TBCD: variants seen among roughly 807,000 people sequenced by gnomAD.
The protein encoded by TBCD is tubulin folding cofactor D.
Under a neutral mutation model 169.3 loss-of-function variants are expected in TBCD, and 105 were observed. The ratio of observed to expected loss-of-function variants is 0.62; its 90% CI spans 0.53 to 0.73. The LOEUF (loss-of-function observed/expected upper bound fraction) is 0.73, where lower values mean the gene tolerates loss of function less well. TBCD is among the 30% of genes least tolerant of loss of function. TBCD has a pLI of 0.00. For missense variants in TBCD, 1,444 were observed against 1,600.1 expected (o/e 0.90, Z 1.66); for synonymous variants, 700 against 643.9 (o/e 1.09, Z -1.32).
intron 13 of TBCD, among the ~76,000 whole-genome samples, chr17:82,854,100 T>G (rs1405187011): frequency 1.3e-5 from 2 of 152,200 alleles, no homozygotes; most frequent in Non-Finnish European, 2.9e-5. Flanking sequence ...CACCCTGACC[T>G]CGATCACTTT....
chr17:82,818,310 G>C (rs1478043168), intron 13 of TBCD, among the ~76,000 whole-genome samples: 2 of 152,208 alleles, frequency 1.3e-5, no homozygotes, highest in African/African-American at 2.4e-5. Flanking sequence ...TGCTGTCTCT[G>C]CACAGGGCAA....
chr17:82,806,067 C>T lies in TBCD; in HGVS notation c.1087+56C>T. 1 of 1,590,686 alleles carries T rather than the reference C, an allele frequency of 6.3e-7. No homozygotes were observed. Among genetic ancestry groups the T allele is most frequent in the Admixed American group, 1.7e-5 (1 of 58,802 alleles). ...CTTGGGCACCGTCGGGCCAATTCCC[C>T]TCTACTCCAGGACCACACTTCCTTC... On this transcript the variant is annotated intron_variant, in intron 10 of 38. Transcript: ENST00000355528. This position sits in a 1 kb window ranked among gnomAD's most constrained non-coding sequence, Gnocchi z 5.1.
At position 82,884,199 on chromosome 17, in the gene TBCD, C is replaced by T. The variant is rs755881491; in HGVS notation, c.1530C>T (p.Ala510=). The T allele has an allele frequency of 6.2e-7, 1 of 1,607,558 alleles. No homozygotes were observed. The highest frequency in any genetic ancestry group is 8.5e-7 in the Non-Finnish European group (1 of 1,176,564). The part of the protein sequence containing the change: ...FDRDINCRRA[A]SAAFQENVGR... ...GAGACATAAACTGCAGAAGAGCAGCCTCTGTAAGTTTTCTCATTTTGATAT... is the reference window on the plus strand; with the variant it reads ...GAGACATAAACTGCAGAAGAGCAGCTTCTGTAAGTTTTCTCATTTTGATAT... The change falls in exon 15 of 39, where the codon GCC becomes GCT. Residue 510 remains alanine (A), a synonymous_variant. Transcript: ENST00000355528. This position sits in a 1 kb window ranked among gnomAD's most constrained non-coding sequence, Gnocchi z 4.2.
chr17:82,872,120 T>G (rs1477942603), intron 14 of TBCD, among the ~76,000 whole-genome samples: 1 of 152,194 alleles, frequency 6.6e-6, no homozygotes, highest in Non-Finnish European at 1.5e-5. Context: ...ATAGTCTAGA[T>G]TCTTGCATCA....
chr17:82,907,888 A>G, intron 21 of TBCD, 67 bp downstream of exon 21: 1 of 1,544,154 alleles, frequency 6.5e-7, no homozygotes, highest in Non-Finnish European at 8.8e-7. Flanking sequence ...AGGGCCTCCC[A>G]CCCTCCCCAG....
At chr17:82,761,434 G>C (rs569289743) in intron 2 of TBCD, among the ~76,000 whole-genome samples, 1 of 152,224 alleles carries the variant, frequency 6.6e-6, no homozygotes, top group Admixed American at 6.5e-5. Flanking sequence ...TAAGATGTTT[G>C]AGTTTCGGTA....
rs1335733206 is a variant in TBCD, at chr17:82,874,596, G to C, written c.1475+4216G>C. Among the ~76,000 whole-genome samples, 1 of 152,172 alleles carries C rather than the reference G, an allele frequency of 6.6e-6. No homozygotes were observed. Among genetic ancestry groups the C allele is most frequent in the Non-Finnish European group, 1.5e-5 (1 of 68,030 alleles). ...GGTGCCCTTGGAGCCGTGCCCGCCG[G>C]CCTGGGTGTCAGGCTTGTCCAACGG... is the stretch of plus-strand genomic sequence containing the variant. On this transcript the variant is annotated intron_variant, in intron 14 of 38. Coordinates refer to ENST00000355528, the MANE Select transcript of TBCD (RefSeq NM_005993.5). This position sits in a 1 kb window ranked among gnomAD's most constrained non-coding sequence, Gnocchi z 5.0.
intron 13 of TBCD, among the ~76,000 whole-genome samples, chr17:82,843,278 C>T (rs971155558): frequency 2.4e-5 from 3 of 126,860 alleles, no homozygotes; most frequent in African/African-American, 8.3e-5. Context: ...TGTTCCCTTC[C>T]CTTCCCCTCC....
At chr17:82,870,146 T>G in intron 13 of TBCD, 78 bp from the exon 14 acceptor site, 6 of 1,591,610 alleles carry the variant, frequency 3.8e-6, no homozygotes, top group African/African-American at 1.3e-5. Context: ...GCTCCGGCCC[T>G]GAGCCCCACT....
At chr17:82,928,962 C>T (rs755484322) in intron 30 of TBCD, 151 bp from the exon 31 acceptor site, 1 of 975,000 alleles carries the variant, frequency 1.0e-6, no homozygotes, top group Non-Finnish European at 1.5e-6. Flanking sequence ...GTCCTGGTGT[C>T]AGCTGCCAAC....
At chr17:82,828,775 G>A (rs1265658495) in intron 13 of TBCD, among the ~76,000 whole-genome samples, 1 of 150,678 alleles carries the variant, frequency 6.6e-6, no homozygotes, top group Non-Finnish European at 1.5e-5. Flanking sequence ...CTAATCAGAT[G>A]TGCACCCCCA....
intron 1 of TBCD, among the ~76,000 whole-genome samples, chr17:82,752,677 G>A (rs1434112109): frequency 6.6e-6 from 1 of 152,076 alleles, no homozygotes; most frequent in African/African-American, 2.4e-5. Flanking sequence ...GGGTGCAGAA[G>A]CCCTCCGTCC....
intron 5 of TBCD, among the ~76,000 whole-genome samples, chr17:82,770,816 C>G (rs1053631606): frequency 6.6e-6 from 1 of 151,584 alleles, no homozygotes; most frequent in South Asian, 2.1e-4. Flanking sequence ...GAGTTTAAGA[C>G]CAGCCTGGAC....
rs548753699 is a variant in TBCD, at chr17:82,930,318, C to G, written c.2992-204C>G. 1.5e-6 allele frequency: 1 copy of G among 653,304 alleles called. No individual in the cohort carries two copies. Among genetic ancestry groups the G allele is most frequent in the Non-Finnish European group, 2.5e-6 (1 of 397,940 alleles). The allele number at this position is 653,304 out of a possible 1,614,324, so 40.5% of individuals were successfully genotyped here. A position where few individuals can be genotyped will look rare whatever the true frequency, so the allele number is the denominator to read the frequency against. ...AGGGCTCAGGCTGAGCTGCCGTTGC[C>G]GAGAGCCTTGTGTCTGCTTCGGGTG... On this transcript the variant is annotated intron_variant, in intron 32 of 38. Coordinates refer to ENST00000355528, the MANE Select transcript of TBCD (RefSeq NM_005993.5). This position sits in a 1 kb window ranked among gnomAD's most constrained non-coding sequence, Gnocchi z 5.2.
At chr17:82,937,968 A>G (rs758106536) in intron 35 of TBCD, 81 bp from the exon 36 acceptor site, 1 of 1,580,938 alleles carries the variant, frequency 6.3e-7, no homozygotes, top group Non-Finnish European at 8.6e-7. Flanking sequence ...AGGTCTCTGC[A>G]TGGGCCTTTG....
chr17:82,846,277 C>T (rs1182094318), intron 13 of TBCD, among the ~76,000 whole-genome samples: 2 of 144,600 alleles, frequency 1.4e-5, no homozygotes, highest in East Asian at 2.0e-4. Flanking sequence ...GCTGTGTCCT[C>T]TTGTCCAGCC....
Position 82,893,548 on chromosome 17 carries a change from G to T in TBCD, c.1565G>T (p.Gly522Val), listed in dbSNP as rs1166184250. ...AAFQENVGRQ[G>V]TFPHGIDILT... Reference sequence around the variant, plus strand: ...CCCCCATTTCCACTTTCTTATTAGGGCACTTTCCCTCATGGTATTGATATT... The same window carrying T: ...CCCCCATTTCCACTTTCTTATTAGGTCACTTTCCCTCATGGTATTGATATT... Residue 522 changes from glycine (G) to valine (V), a missense_variant and splice_region_variant, in exon 17 of 39, where the codon GGC becomes GTC. Gly to Val is a moderately radical substitution (Grantham distance 109). Transcript: ENST00000355528. The T allele has an allele frequency of 2.5e-6, 4 of 1,604,996 alleles. No individual in the cohort carries two copies. The highest frequency in any genetic ancestry group is 1.6e-4 in the Middle Eastern group (1 of 6,062).
intron 8 of TBCD, 126 bp downstream of exon 8, chr17:82,797,928 G>A (rs905042729): frequency 3.3e-5 from 10 of 302,590 alleles, no homozygotes; most frequent in African/African-American, 8.7e-5. Context: ...GGACACTATC[G>A]TTCTTTTTTT....
At chr17:82,942,377 G>A in intron 38 of TBCD, 72 bp from the exon 39 acceptor site, 1 of 1,609,792 alleles carries the variant, frequency 6.2e-7, no homozygotes, top group Non-Finnish European at 8.5e-7. Context: ...GCCCAGAGGG[G>A]TGAGGGTCCC....
Sources: allele counts gnomAD v4.1 joint callset (sites outside exome capture counted in the v4.1 genomes callset), GRCh38; gene constraint gnomAD v4.1.1; non-coding constraint Gnocchi (gnomAD v3.1); transcripts MANE v1.5; gene names NCBI Gene and HGNC (gene_info 2026-07-23, HGNC 2026-07-21).